EVI5: variants seen among roughly 807,000 people sequenced by gnomAD.
EVI5 encodes the protein ecotropic viral integration site 5 protein homolog.
A neutral mutation model predicts 112.0 loss-of-function variants in EVI5; 73 were observed. That is an observed-to-expected ratio of 0.65 (90% CI 0.54 to 0.79). EVI5 has a LOEUF of 0.79. Among genes scored for constraint, EVI5 ranks in the 30% least tolerant of loss-of-function variants. The pLI, the probability that EVI5 is intolerant of heterozygous loss-of-function variation, is 0.00. For missense variants in EVI5, 900 were observed against 968.8 expected, an observed-to-expected ratio of 0.93 and a Z score of 0.94; for synonymous variants, 305 against 319.9, an observed-to-expected ratio of 0.95 and a Z score of 0.50.
chr1:92,635,638 C>T (rs542574259), intron 14 of EVI5, among the ~76,000 whole-genome samples: 2 of 152,030 alleles, frequency 1.3e-5, no homozygotes, highest in Non-Finnish European at 2.9e-5. Flanking sequence ...GGCTCAGGCT[C>T]GGTGCACTAC....
At chr1:92,736,102 C>G (rs1225067621) in intron 2 of EVI5, among the ~76,000 whole-genome samples, 1 of 151,558 alleles carries the variant, frequency 6.6e-6, no homozygotes, top group Non-Finnish European at 1.5e-5. Flanking sequence ...GGAGACTGTT[C>G]AGAGAGTTTA....
chr1:92,554,920 G>A (rs1667460217), intron 19 of EVI5, among the ~76,000 whole-genome samples: 1 of 152,210 alleles, frequency 6.6e-6, no homozygotes. Flanking sequence ...GGTTGAGGCT[G>A]CAGTGAGTGG....
rs767397075 is a variant in EVI5, at chr1:92,605,306, C to A, written c.2070+1G>T. ...TGTACTTTATTATTTTCATATGGTA[C>A]CTGGATTTCAAGCTCAGCAATGTGT... is the stretch of plus-strand genomic sequence containing the variant. On this transcript the variant is annotated splice_donor_variant, in intron 18 of 19. Transcript: ENST00000684568. LOFTEE classifies it high-confidence loss of function. 6.3e-7 allele frequency: 1 copy of A among 1,594,256 alleles called. No homozygotes were observed. Among genetic ancestry groups the A allele is most frequent in the Admixed American group, 1.7e-5 (1 of 59,746 alleles).
chr1:92,531,108 T>C (rs922637930), intron 19 of EVI5, among the ~76,000 whole-genome samples: 12 of 151,964 alleles, frequency 7.9e-5, no homozygotes, highest in Admixed American at 5.2e-4. Context: ...CTCATGGAGC[T>C]GAAAAACACA....
intron 13 of EVI5, among the ~76,000 whole-genome samples, chr1:92,649,077 T>C (rs1322656425): frequency 1.3e-5 from 2 of 152,222 alleles, no homozygotes; most frequent in Non-Finnish European, 2.9e-5. Flanking sequence ...ATAATGGATG[T>C]GAAGAGGCAC....
intron 1 of EVI5, among the ~76,000 whole-genome samples, chr1:92,750,578 A>G (rs1680024355): frequency 6.6e-6 from 1 of 152,188 alleles, no homozygotes; most frequent in Admixed American, 6.5e-5. Context: ...AAAATTTTGC[A>G]AATAATTTTT....
rs560361177 is a variant in EVI5 at position 92,545,964 on chromosome 1, G to C, written c.2166+17678C>G. ...CCTTCTCTAATACACGATTTAGGCA[G>C]CCCCATGATCAGAGATTTTCTGACA... On this transcript the variant is annotated intron_variant, in intron 19 of 19. Transcript: ENST00000684568. Among the ~76,000 whole-genome samples, 32 of 151,956 alleles carry C rather than the reference G, an allele frequency of 2.1e-4. No homozygotes were observed. In the South Asian group the frequency reaches 6.7e-3, roughly 32 times the overall value.
chr1:92,743,332 A>T (rs1286474770), intron 1 of EVI5, among the ~76,000 whole-genome samples: 1 of 152,128 alleles, frequency 6.6e-6, no homozygotes, highest in Non-Finnish European at 1.5e-5. Flanking sequence ...CAGCCTGGCG[A>T]CAGAGCAAGA....
At chr1:92,638,632 C>T (rs1188142477) in intron 13 of EVI5, among the ~76,000 whole-genome samples, 1 of 152,138 alleles carries the variant, frequency 6.6e-6, no homozygotes, top group Non-Finnish European at 1.5e-5. Flanking sequence ...CAGCAGCTAA[C>T]ATCTACTCAC....
intron 2 of EVI5, among the ~76,000 whole-genome samples, chr1:92,717,617 T>G (rs1246837216): frequency 6.6e-6 from 1 of 152,138 alleles, no homozygotes; most frequent in Non-Finnish European, 1.5e-5. Flanking sequence ...CCATCGACAC[T>G]ATGAAGAAAC....
At chr1:92,590,987 C>A (rs778066274) in intron 18 of EVI5, among the ~76,000 whole-genome samples, 9 of 152,142 alleles carry the variant, frequency 5.9e-5, no homozygotes, top group Non-Finnish European at 1.3e-4. Context: ...GAATTTTCAA[C>A]CCAGAATTTC....
Position 92,607,568 on chromosome 1 carries a change from T to A in EVI5, c.1974+13A>T. On this transcript the variant is annotated intron_variant, in intron 17 of 19. Coordinates refer to ENST00000684568, the MANE Select transcript of EVI5 (RefSeq NM_001350197.2). ...ATTGACAAAAAACAAAATCAGTTAG[T>A]TGACATATTTACCTTGCATTCAATC... The A allele has an allele frequency of 3.9e-6, 6 of 1,540,684 alleles. No individual in the cohort carries two copies. The highest frequency in any genetic ancestry group is 5.2e-6 in the Non-Finnish European group (6 of 1,149,522).
intron 13 of EVI5, among the ~76,000 whole-genome samples, chr1:92,644,486 T>G (rs1660582059): frequency 6.6e-6 from 1 of 152,198 alleles, no homozygotes; most frequent in African/African-American, 2.4e-5. Context: ...TTTCTCTACT[T>G]TTGTTTTCAA....
intron 9 of EVI5, among the ~76,000 whole-genome samples, chr1:92,686,173 G>A (rs1259733604): frequency 6.6e-6 from 1 of 152,128 alleles, no homozygotes; most frequent in Non-Finnish European, 1.5e-5. Flanking sequence ...ACCGAATACA[G>A]CAGCACATCA....
chr1:92,784,936 C>T lies in EVI5; in HGVS notation c.-182G>A, dbSNP rs567735041. The T allele has an allele frequency of 5.1e-6, 5 of 986,062 alleles. No homozygotes were observed. The highest frequency in any genetic ancestry group is 6.1e-5 in the Admixed American group (1 of 16,300). The allele number at this position is 986,062 out of a possible 1,614,324, so 61.1% of individuals were successfully genotyped here. A position where few individuals can be genotyped will look rare whatever the true frequency, so the allele number is the denominator to read the frequency against. On this transcript the variant is annotated 5_prime_UTR_variant, in exon 1 of 20. It adds an upstream start codon to the 5' untranslated region. Transcript: ENST00000684568. ...CGCCTCGGCCCCGCTCCTGGCTCCA[C>T]GGGTCGCCCGTCCCGAGTTCCCAAA...
chr1:92,564,648 CT>C (rs1322354175), intron 18 of EVI5, among the ~76,000 whole-genome samples: 1 of 151,278 alleles, frequency 6.6e-6, no homozygotes. Flanking sequence ...CTTATACCAC[CT>C]GAAAACGAAC....
chr1:92,684,460 A>G (rs773993381), intron 9 of EVI5, among the ~76,000 whole-genome samples: 2 of 152,234 alleles, frequency 1.3e-5, no homozygotes, highest in Admixed American at 6.5e-5. Context: ...GACAAATTGT[A>G]AAGACCAGTG....
intron 2 of EVI5, among the ~76,000 whole-genome samples, chr1:92,711,848 G>A (rs1225714485): frequency 6.6e-6 from 1 of 152,156 alleles, no homozygotes; most frequent in Admixed American, 6.6e-5. Context: ...TCTTGGACTG[G>A]GTAATTTTTA....
Position 92,513,872 on chromosome 1 carries a change from A to G in EVI5, c.2265T>C (p.His755=), listed in dbSNP as rs199630852. The change falls in exon 20 of 20, where the codon CAT becomes CAC. Residue 755 remains histidine (H), a synonymous_variant. Transcript: ENST00000684568. The part of the protein sequence containing the change: ...NHLIGDDESF[H]SSDEDFIDNS... The stretch of plus-strand genomic sequence containing the variant: ...TATCTATAAAATCTTCATCGGAGGA[A>G]TGGAATGATTCATCATCTCCTATTA... 3.2e-5 allele frequency: 52 copies of G among 1,613,354 alleles called. No homozygotes were observed. Among genetic ancestry groups the G allele is most frequent in the Non-Finnish European group, 4.3e-5 (51 of 1,179,534 alleles).
Sources: gnomAD v4.1 joint callset for allele counts (sites outside exome capture counted in the v4.1 genomes callset) on GRCh38, gnomAD v4.1.1 for gene constraint, MANE v1.5 for transcripts, NCBI Gene and HGNC (gene_info 2026-07-23, HGNC 2026-07-21) for gene names.